Variants in PCDHA1 observed in about 807,000 individuals in gnomAD.
The protein encoded by PCDHA1 is protocadherin alpha-1.
A neutral mutation model predicts 61.3 loss-of-function variants in PCDHA1; 42 were observed. The ratio of observed to expected loss-of-function variants is 0.69; its 90% confidence interval spans 0.54 to 0.89. PCDHA1 has a LOEUF of 0.89. Ranked by LOEUF, PCDHA1 falls within the 40% of genes least tolerant of loss-of-function variation. PCDHA1 has a pLI of 0.00. For missense variants in PCDHA1, 1,256 were observed against 1,235.3 expected (o/e 1.02, Z -0.25); for synonymous variants, 610 against 553.8 (o/e 1.10, Z -1.43).
At chr5:140,822,944 C>A (rs2150120585) in intron 1 of PCDHA1, 2 of 1,614,240 alleles carry the variant, frequency 1.2e-6, no homozygotes. Context: ...TCCCTAATGC[C>A]CCACGTTCCC....
At chr5:140,821,863 C>T (rs1268753327) in intron 1 of PCDHA1, 1 of 1,614,110 alleles carries the variant, frequency 6.2e-7, no homozygotes, top group African/African-American at 1.3e-5. Context: ...GAGCGGCCAG[C>T]TCCACTACTC....
chr5:140,786,538 T>C lies in PCDHA1; in HGVS notation c.248T>C (p.Ile83Thr). 1.9e-6 allele frequency: 3 copies of C among 1,614,152 alleles called. No homozygotes were observed. The highest frequency in any genetic ancestry group is 2.5e-6 in the Non-Finnish European group (3 of 1,180,034). ...CTGGAGGTAAATCTGCAGAATGGCATTTTGTTTGTGAATTCTCGGATCGAT... is the reference window on the plus strand; with the variant it reads ...CTGGAGGTAAATCTGCAGAATGGCACTTTGTTTGTGAATTCTCGGATCGAT... Reference protein sequence around the residue: ...DLLEVNLQNGILFVNSRIDRE... With the variant: ...DLLEVNLQNGTLFVNSRIDRE... The change falls in exon 1 of 4, where the codon ATT (isoleucine) becomes ACT (threonine). Residue 83 changes from isoleucine (I) to threonine (T), a missense_variant. Transcript: ENST00000504120.
chr5:140,825,182 T>C (rs1768472310), intron 1 of PCDHA1: 1 of 151,808 alleles, frequency 6.6e-6, no homozygotes. Context: ...CTAATGTATC[T>C]TGATGATCAT....
rs150226999 is a variant in PCDHA1, at chr5:140,970,370, C to T, written c.2395-8579C>T. 2.1e-3 allele frequency among the ~76,000 whole-genome samples: 315 copies of T among 152,234 alleles called. 1 individual carries two copies. The highest frequency in any genetic ancestry group is 7.2e-3 in the African/African-American group (299 of 41,540). On this transcript the variant is annotated intron_variant, in intron 1 of 3. Coordinates refer to ENST00000504120, the MANE Select transcript of PCDHA1 (RefSeq NM_018900.4). ...GGATCTAAAATTTGATTTGCTATAG[C>T]TTCAAAAGGCTGGCTTGGAAAGTGG...
Position 140,855,567 on chromosome 5 carries a change from G to A in PCDHA1, c.2394+66883G>A, listed in dbSNP as rs568752755. Among the ~76,000 whole-genome samples the A allele has an allele frequency of 4.8e-4, 72 of 149,884 alleles. 4 individuals carry two copies. In the South Asian group the frequency reaches 0.014, roughly 30 times the overall value. ...TCAGAACTTAAATGGAACTAAAGTT[G>A]TCATTTAATAAAATATTAGTATACT... On this transcript the variant is annotated intron_variant, in intron 1 of 3. Coordinates refer to ENST00000504120, the MANE Select transcript of PCDHA1 (RefSeq NM_018900.4).
At chr5:140,830,040 T>A (rs2150180125) in intron 1 of PCDHA1, 1 of 1,613,784 alleles carries the variant, frequency 6.2e-7, no homozygotes, top group South Asian at 1.1e-5. Context: ...CTGCTGGTGC[T>A]GGTGAAAGAC....
At chr5:140,920,329 G>A (rs556077448) in intron 1 of PCDHA1, among the ~76,000 whole-genome samples, 8 of 152,080 alleles carry the variant, frequency 5.3e-5, no homozygotes, top group South Asian at 4.2e-4. Flanking sequence ...TATATTTATG[G>A]CATTTCTTAT....
At chr5:140,807,606 T>C in intron 1 of PCDHA1, 1 of 1,614,174 alleles carries the variant, frequency 6.2e-7, no homozygotes. Flanking sequence ...CAAAAGAACC[T>C]GTCCATCGCG....
At chr5:140,797,852 T>G (rs6899256) in intron 1 of PCDHA1, among the ~76,000 whole-genome samples, 48,629 of 151,936 alleles carry the variant, frequency 0.32, 8,596 homozygotes, top group East Asian at 0.5. Context: ...TACATTTTTT[T>G]TTTGTTTGTT....
At chr5:140,871,783 G>C (rs1460496699) in intron 1 of PCDHA1, among the ~76,000 whole-genome samples, 3 of 152,196 alleles carry the variant, frequency 2.0e-5, no homozygotes, top group African/African-American at 7.2e-5. Flanking sequence ...GTAGTCACTT[G>C]AGTAGAAATA....
At chr5:140,828,069 AAAT>A (rs2150150559) in intron 1 of PCDHA1, 3 of 1,564,606 alleles carry the variant, frequency 1.9e-6, no homozygotes, top group Non-Finnish European at 2.6e-6. Flanking sequence ...CTTCTAATGG[AAAT>A]AAAACCAGAG....
chr5:140,849,787 G>A lies in PCDHA1; in HGVS notation c.2394+61103G>A, dbSNP rs1421161535. The stretch of plus-strand genomic sequence containing the variant: ...CTGGTGGTTACCGCGCGGGACGGGG[G>A]CTCGCCTTCACTGTGGGCCACGGCC... On this transcript the variant is annotated intron_variant, in intron 1 of 3. Transcript: ENST00000504120. 3.1e-6 allele frequency: 5 copies of A among 1,598,342 alleles called. 1 individual carries two copies. The highest frequency in any genetic ancestry group is 3.4e-4 in the Middle Eastern group (2 of 5,864).
intron 1 of PCDHA1, chr5:140,884,153 G>T: frequency 6.2e-7 from 1 of 1,613,470 alleles, no homozygotes; most frequent in Non-Finnish European, 8.5e-7. Flanking sequence ...GCTGTACACT[G>T]GCGAGATCAG....
intron 1 of PCDHA1, among the ~76,000 whole-genome samples, chr5:140,904,548 A>T (rs1280388333): frequency 1.3e-5 from 2 of 152,050 alleles, no homozygotes; most frequent in Admixed American, 1.3e-4. Flanking sequence ...TCTTTTTCAT[A>T]TAATGACTTT....
At chr5:140,882,048 C>T in intron 1 of PCDHA1, 1 of 745,800 alleles carries the variant, frequency 1.3e-6, no homozygotes, top group Non-Finnish European at 2.1e-6. Context: ...CTGAGTCATA[C>T]TTACACTTAC....
chr5:140,822,547 A>G lies in PCDHA1; in HGVS notation c.2394+33863A>G, dbSNP rs2150117174. 1.1e-3 allele frequency: 1,829 copies of G among 1,613,676 alleles called. 13 individuals carry two copies. In the African/African-American group the frequency reaches 0.022, roughly 19 times the overall value. On this transcript the variant is annotated intron_variant, in intron 1 of 3. Coordinates refer to ENST00000504120, the MANE Select transcript of PCDHA1 (RefSeq NM_018900.4). ...ATTGTTGGAAAATGCACCAAGTGGGACATTAGTTATTAAACTGAACGCCTC... is the reference window on the plus strand; with the variant it reads ...ATTGTTGGAAAATGCACCAAGTGGGGCATTAGTTATTAAACTGAACGCCTC...
chr5:140,858,781 T>C, intron 1 of PCDHA1: 1 of 406,616 alleles, frequency 2.5e-6, no homozygotes, highest in Non-Finnish European at 4.5e-6. Flanking sequence ...TAGTACTTCA[T>C]GTTATTTCAT....
chr5:140,817,199 A>T (rs1766084808), intron 1 of PCDHA1: 2 of 152,306 alleles, frequency 1.3e-5, no homozygotes, highest in African/African-American at 4.8e-5. Flanking sequence ...AGAACACTGA[A>T]TGCATGCTTT....
chr5:140,957,333 A>T (rs2095351211), intron 1 of PCDHA1, among the ~76,000 whole-genome samples: 1 of 152,164 alleles, frequency 6.6e-6, no homozygotes, highest in African/African-American at 2.4e-5. Context: ...GTACAGTAAG[A>T]TATTTTGAGA....
Sources: allele counts gnomAD v4.1 joint callset (sites outside exome capture counted in the v4.1 genomes callset), GRCh38; gene constraint gnomAD v4.1.1; transcripts MANE v1.5; gene names NCBI Gene and HGNC (gene_info 2026-07-23, HGNC 2026-07-21).